PAOX: variants seen among roughly 807,000 people sequenced by gnomAD.
PAOX encodes polyamine oxidase, also known as peroxisomal N(1)-acetyl-spermine/spermidine oxidase.
A neutral mutation model predicts 39.0 loss-of-function variants in PAOX; 38 were observed. That is an observed-to-expected ratio of 0.97 (90% CI 0.75 to 1.28). The LOEUF (loss-of-function observed/expected upper bound fraction) is 1.28. Ranked by LOEUF, PAOX falls within the 50% of genes most tolerant of loss-of-function variation. The pLI is 0.00. For missense variants in PAOX, 667 were observed against 685.7 expected (o/e 0.97, Z 0.30); for synonymous variants, 311 against 314.4 (o/e 0.99, Z 0.11).
chr10:133,380,864 G>C (rs1458067880), intron 2 of PAOX, among the ~76,000 whole-genome samples: 1 of 152,198 alleles, frequency 6.6e-6, no homozygotes, highest in Non-Finnish European at 1.5e-5. Flanking sequence ...TGTAATCCCA[G>C]CTACTCGGGA....
At position 133,389,036 on chromosome 10, in the gene PAOX, T is replaced by C. The variant is rs1457266575; in HGVS notation, c.1202T>C (p.Leu401Pro). The C allele has an allele frequency of 1.9e-6, 3 of 1,614,060 alleles. No individual in the cohort carries two copies. The highest frequency in any genetic ancestry group is 1.3e-5 in the African/African-American group (1 of 74,924). ...ACTCTGTCGGATGAAGAAGTACTTC[T>C]GTGTCTCACCCAAGTGCTCCGGAGA... ...METLSDEEVL[L>P]CLTQVLRRVT... The change falls in exon 5 of 7, where the codon CTG becomes CCG. Residue 401 changes from leucine (L) to proline (P), a missense_variant. Leu to Pro is a moderately conservative substitution (Grantham distance 98, BLOSUM62 -3). Transcript: ENST00000278060.
chr10:133,380,418 G>C lies in PAOX; in HGVS notation c.601G>C (p.Asp201His), dbSNP rs985375203. The change falls in exon 2 of 7, where the codon GAC becomes CAC. Residue 201 changes from aspartate (D) to histidine (H), a missense_variant. Coordinates refer to ENST00000278060, the MANE Select transcript of PAOX (RefSeq NM_152911.4). ...ECCVSGTHSMDLVALAPFGEY... is the reference protein window; with the variant it reads ...ECCVSGTHSMHLVALAPFGEY... ...CTGTGTGAGCGGCACCCACAGCATGGACCTGGTGGCCCTGGCACCCTTTGG... is the reference window on the plus strand; with the variant it reads ...CTGTGTGAGCGGCACCCACAGCATGCACCTGGTGGCCCTGGCACCCTTTGG... 1.8e-5 allele frequency: 29 copies of C among 1,612,712 alleles called. No homozygotes were observed. The highest frequency in any genetic ancestry group is 2.3e-5 in the Non-Finnish European group (27 of 1,180,018).
At chr10:133,387,619 G>C (rs941855886) in intron 4 of PAOX, among the ~76,000 whole-genome samples, 19 of 152,340 alleles carry the variant, frequency 1.2e-4, no homozygotes, top group African/African-American at 4.6e-4. Flanking sequence ...TGTGAAAGAC[G>C]CACCAGCCCC....
At chr10:133,386,787 T>G (rs7916900) in intron 4 of PAOX, among the ~76,000 whole-genome samples, 12,123 of 152,252 alleles carry the variant, frequency 0.08, 714 homozygotes, top group African/African-American at 0.16. Context: ...GGAGTGATAT[T>G]TAAATAGCTT....
chr10:133,388,136 T>A (rs1849574864), intron 4 of PAOX, among the ~76,000 whole-genome samples: 1 of 152,180 alleles, frequency 6.6e-6, no homozygotes, highest in Non-Finnish European at 1.5e-5. Flanking sequence ...ATTTATTTTT[T>A]AATATATATA....
chr10:133,379,591 G>T, intron 1 of PAOX, 94 bp downstream of exon 1: 1 of 1,061,206 alleles, frequency 9.4e-7, no homozygotes, highest in Non-Finnish European at 1.2e-6. Flanking sequence ...GACCTGCCCG[G>T]CCGCCTCACC....
intron 2 of PAOX, among the ~76,000 whole-genome samples, chr10:133,380,870 C>G (rs558908589): frequency 6.6e-6 from 1 of 152,046 alleles, no homozygotes; most frequent in African/African-American, 2.4e-5. Context: ...CCCAGCTACT[C>G]GGGAGGCTGA....
Position 133,380,306 on chromosome 10 carries a change from T to TGGTAC in PAOX, c.491_492insTACGG (p.Gln165ThrfsTer17), listed in dbSNP as rs754637272. 62 of 1,612,766 alleles carry TGGTAC rather than the reference T, an allele frequency of 3.8e-5. No homozygotes were observed. The highest frequency in any genetic ancestry group is 8.3e-5 in the Admixed American group (5 of 60,000). On this transcript the variant is annotated frameshift_variant, in exon 2 of 7. Transcript: ENST00000278060. LOFTEE classifies it high-confidence loss of function. ...TCGGGGAGTACCTCAAGAAGGAGAT[T>TGGTAC]GGCCAGCACGTGGCCGGCTGGACAG...
In PAOX at chr10:133,389,172, ACT is replaced by A. The variant is rs1413061607; in HGVS notation, c.1234+107_1234+108del. ...AACAGAGAAAAACTAAATTTGGCTG[ACT>A]CTGTACATCTCCAGGGACCATCCTT... On this transcript the variant is annotated intron_variant, in intron 5 of 6. Coordinates refer to ENST00000278060, the MANE Select transcript of PAOX (RefSeq NM_152911.4). 9 of 889,560 alleles carry A rather than the reference ACT, an allele frequency of 1.0e-5. No individual in the cohort carries two copies. The Admixed American group carries it at 1.2e-4, about 12-fold the overall frequency. 55.1% of individuals were successfully genotyped at this position (889,560 alleles called of 1,614,324 possible). A position where few individuals can be genotyped will look rare whatever the true frequency, so the allele number is the denominator to read the frequency against.
chr10:133,389,109 T>A, intron 5 of PAOX, 41 bp downstream of exon 5: 2 of 1,464,940 alleles, frequency 1.4e-6, no homozygotes, highest in Non-Finnish European at 1.9e-6. Flanking sequence ...CCTCTGCTCG[T>A]TACTGGTTGA....
intron 4 of PAOX, among the ~76,000 whole-genome samples, chr10:133,388,501 G>A (rs770246194): frequency 2.8e-4 from 43 of 152,258 alleles, no homozygotes; most frequent in Middle Eastern, 3.2e-3. Flanking sequence ...ACCCTCATGT[G>A]CAGTGGTGGG....
At chr10:133,390,973 C>G (rs1410440248) in intron 6 of PAOX, 6 of 701,860 alleles carry the variant, frequency 8.5e-6, no homozygotes, top group Non-Finnish European at 1.3e-5. Flanking sequence ...GCGTGTGAGC[C>G]GTCTTCCCAC....
In PAOX at chr10:133,384,680, A is replaced by G. The variant is rs73389490; in HGVS notation, c.1121+468A>G. On this transcript the variant is annotated intron_variant, in intron 4 of 6. Transcript: ENST00000278060. The surrounding 1 kb of genome is among the most constrained non-coding windows in gnomAD (Gnocchi z 4.3). ...ATGGGCTGGCCCTCTTAGAAACAGC[A>G]TATCTAGACCACGTGGCGATTCAGG... 0.041 allele frequency among the ~76,000 whole-genome samples: 6,312 copies of G among 152,300 alleles called. 244 individuals are homozygous for G. Among genetic ancestry groups the G allele is most frequent in the African/African-American group, 0.1 (4,306 of 41,554 alleles).
At chr10:133,391,268 T>C in intron 6 of PAOX, 44 bp from the exon 7 acceptor site, 1 of 1,580,674 alleles carries the variant, frequency 6.3e-7, no homozygotes, top group Admixed American at 1.7e-5. Context: ...CAGACCCTGC[T>C]GTCTGAATTG....
rs189432212 is a variant in PAOX, at chr10:133,388,950, A to C, written c.1122-6A>C. On this transcript the variant is annotated splice_polypyrimidine_tract_variant and splice_region_variant and intron_variant, in intron 4 of 6. Transcript: ENST00000278060. Reference sequence around the variant, plus strand: ...GGTCATCCCAGGGCTCTCTTTCTCCATGCAGGTCTGTCCACGTTCTCTGTG... The same window carrying C: ...GGTCATCCCAGGGCTCTCTTTCTCCCTGCAGGTCTGTCCACGTTCTCTGTG... 2.6e-5 allele frequency: 42 copies of C among 1,603,052 alleles called. No individual in the cohort carries two copies. In the African/African-American group the frequency reaches 5.3e-4, roughly 20 times the overall value.
rs1411205671 is a variant in PAOX at position 133,389,616 on chromosome 10, A to G, written c.1261A>G (p.Ser421Gly). 1.9e-6 allele frequency: 3 copies of G among 1,613,608 alleles called. No individual in the cohort carries two copies. Among genetic ancestry groups the G allele is most frequent in the Non-Finnish European group, 2.5e-6 (3 of 1,180,014 alleles). The change falls in exon 6 of 7, where the codon AGC (serine) becomes GGC (glycine). Residue 421 changes from serine (S) to glycine (G), a missense_variant. Physicochemically the swap from Ser to Gly is moderately conservative, Grantham distance 56. Transcript: ENST00000278060. ...AAACCCACGGCTCCCCGCGCCCAAG[A>G]GCGTCCTGCGGTCTCGCTGGCACAG... Reference protein sequence around the residue: ...TGNPRLPAPKSVLRSRWHSAP... With the variant: ...TGNPRLPAPKGVLRSRWHSAP...
chr10:133,386,900 A>C (rs1849544793), intron 4 of PAOX, among the ~76,000 whole-genome samples: 1 of 152,218 alleles, frequency 6.6e-6, no homozygotes, highest in African/African-American at 2.4e-5. Flanking sequence ...CACACCAGTG[A>C]ATTTTTTGTC....
intron 4 of PAOX, among the ~76,000 whole-genome samples, chr10:133,387,997 C>G (rs1329664484): frequency 6.6e-6 from 1 of 152,184 alleles, no homozygotes; most frequent in African/African-American, 2.4e-5. Flanking sequence ...GATTACAGGC[C>G]TGAGCCACTG....
intron 4 of PAOX, among the ~76,000 whole-genome samples, chr10:133,388,525 G>T (rs974154560): frequency 6.6e-6 from 1 of 152,238 alleles, no homozygotes; most frequent in Non-Finnish European, 1.5e-5. Flanking sequence ...GCCTGTAGGC[G>T]CATGTGGATC....
Sources: gnomAD v4.1 joint callset for allele counts (sites outside exome capture counted in the v4.1 genomes callset) on GRCh38, gnomAD v4.1.1 for gene constraint, Gnocchi (gnomAD v3.1) non-coding constraint, MANE v1.5 for transcripts, NCBI Gene and HGNC (gene_info 2026-07-23, HGNC 2026-07-21) for gene names.